Variants in SPAG17 observed in about 807,000 individuals in gnomAD.
SPAG17 encodes sperm associated antigen 17.
In SPAG17, 169 loss-of-function variants were observed where a neutral mutation model predicts 273.6. The observed-to-expected ratio is 0.62, with a 90% CI of 0.55 to 0.70. The LOEUF (loss-of-function observed/expected upper bound fraction) is 0.70, where lower values mean the gene tolerates loss of function less well. Among genes scored for constraint, SPAG17 ranks in the 30% least tolerant of loss-of-function variants. The pLI is 0.00. For synonymous variants in SPAG17, 825 were observed against 873.2 expected (o/e 0.94, Z 0.97); for missense variants, 2,557 against 2,627.8 (o/e 0.97, Z 0.59).
chr1:118,010,834 T>A (rs140756249), intron 30 of SPAG17, among the ~76,000 whole-genome samples: 3 of 152,016 alleles, frequency 2.0e-5, no homozygotes, highest in Non-Finnish European at 2.9e-5. Flanking sequence ...GGTTCATACA[T>A]GCTAACATCC....
intron 5 of SPAG17, among the ~76,000 whole-genome samples, chr1:118,100,849 T>C (rs901014330): frequency 2.6e-5 from 4 of 152,224 alleles, no homozygotes; most frequent in African/African-American, 4.8e-5. Flanking sequence ...AGAAAAATTC[T>C]AGTGTCTCTA....
intron 10 of SPAG17, among the ~76,000 whole-genome samples, chr1:118,088,584 A>G (rs1655157571): frequency 6.6e-6 from 1 of 152,204 alleles, no homozygotes; most frequent in Non-Finnish European, 1.5e-5. Flanking sequence ...GGTATCAGAG[A>G]TGATAGAGTC....
Position 118,041,814 on chromosome 1 carries a change from T to C in SPAG17, c.3043A>G (p.Ile1015Val), listed in dbSNP as rs1336013453. The stretch of plus-strand genomic sequence containing the variant: ...GAATTGGAGTTTACCGGGTAAGTTA[T>C]CTTAGGTTCTGGTTGGTGGGGGGAC... The part of the protein sequence containing the change: ...EESPHQPEPK[I>V]TYPFHGYNMG... Residue 1015 changes from isoleucine to valine, a missense_variant, in exon 21 of 49, where the codon ATA (isoleucine) becomes GTA (valine). By Grantham distance (29) the Ile-to-Val change is conservative. Transcript: ENST00000336338. 2.5e-6 allele frequency: 4 copies of C among 1,610,512 alleles called. No individual in the cohort carries two copies. Among genetic ancestry groups the C allele is most frequent in the Non-Finnish European group, 3.4e-6 (4 of 1,179,092 alleles).
chr1:118,090,741 G>A (rs1001268208), intron 10 of SPAG17, among the ~76,000 whole-genome samples: 2 of 151,962 alleles, frequency 1.3e-5, no homozygotes, highest in Non-Finnish European at 2.9e-5. Flanking sequence ...TTTTAAATTC[G>A]CTGGGCATGG....
intron 1 of SPAG17, among the ~76,000 whole-genome samples, chr1:118,175,577 A>G (rs532093269): frequency 6.6e-6 from 1 of 151,458 alleles, no homozygotes; most frequent in African/African-American, 2.4e-5. Flanking sequence ...CAAAGTACAA[A>G]AAAAAAAAAA....
At chr1:118,177,627 T>C (rs1660755019) in intron 1 of SPAG17, among the ~76,000 whole-genome samples, 1 of 152,070 alleles carries the variant, frequency 6.6e-6, no homozygotes, top group Non-Finnish European at 1.5e-5. Context: ...ATCAATGGAA[T>C]AAAACAAGTT....
chr1:118,013,742 C>G (rs944926720), intron 29 of SPAG17, among the ~76,000 whole-genome samples: 3 of 152,022 alleles, frequency 2.0e-5, no homozygotes, highest in Non-Finnish European at 4.4e-5. Context: ...CATTTCGTAA[C>G]GCCACATAAA....
At chr1:117,993,795 C>T (rs2765283) in intron 35 of SPAG17, among the ~76,000 whole-genome samples, 10,779 of 152,186 alleles carry the variant, frequency 0.071, 449 homozygotes, top group South Asian at 0.11. Flanking sequence ...ACATAAATTG[C>T]TTGTAAAATG....
intron 32 of SPAG17, among the ~76,000 whole-genome samples, chr1:118,004,610 C>T (rs1362165457): frequency 6.6e-6 from 1 of 152,244 alleles, no homozygotes; most frequent in African/African-American, 2.4e-5. Context: ...GGCGTGAGAT[C>T]CACCAAGCCA....
intron 15 of SPAG17, among the ~76,000 whole-genome samples, chr1:118,077,668 A>G (rs190313579): frequency 1.5e-3 from 226 of 152,290 alleles, no homozygotes; most frequent in Non-Finnish European, 2.3e-3. Flanking sequence ...CACTATCGCC[A>G]TAAGAACTCA....
At chr1:118,049,288 G>A (rs113781091) in intron 20 of SPAG17, among the ~76,000 whole-genome samples, 220 of 152,248 alleles carry the variant, frequency 1.4e-3, no homozygotes, top group African/African-American at 4.9e-3. Context: ...ATGACAGGCC[G>A]TTGTCCCTGG....
At chr1:118,025,191 T>C in intron 27 of SPAG17, 47 bp downstream of exon 27, 1 of 1,590,954 alleles carries the variant, frequency 6.3e-7, no homozygotes, top group Non-Finnish European at 8.6e-7. Context: ...TAAGTTGTCT[T>C]TTACTTTGGA....
At chr1:117,965,276 T>A (rs1653680943) in intron 47 of SPAG17, 1 of 152,190 alleles carries the variant, frequency 6.6e-6, no homozygotes, top group Non-Finnish European at 1.5e-5. Context: ...GCTTTTGAAG[T>A]ATTTCACCAT....
chr1:117,989,473 C>G (rs962473339), intron 38 of SPAG17, among the ~76,000 whole-genome samples: 1 of 152,096 alleles, frequency 6.6e-6, no homozygotes, highest in African/African-American at 2.4e-5. Flanking sequence ...CACTCACCAC[C>G]AAGAGGACAG....
At chr1:118,083,183 T>C (rs1654722677) in intron 13 of SPAG17, among the ~76,000 whole-genome samples, 2 of 152,100 alleles carry the variant, frequency 1.3e-5, no homozygotes, top group African/African-American at 4.8e-5. Context: ...CTCAAACTCC[T>C]GAGCTCAAGT....
chr1:117,971,201 A>G (rs951778075), intron 45 of SPAG17, among the ~76,000 whole-genome samples: 1 of 152,206 alleles, frequency 6.6e-6, no homozygotes, highest in African/African-American at 2.4e-5. Flanking sequence ...TTAATTCAAG[A>G]TACAATAGTG....
intron 20 of SPAG17, among the ~76,000 whole-genome samples, chr1:118,048,160 A>G (rs919375762): frequency 6.6e-6 from 1 of 152,168 alleles, no homozygotes; most frequent in African/African-American, 2.4e-5. Flanking sequence ...CTCAGGCTCC[A>G]TGCCCATCCT....
chr1:118,087,139 C>G (rs938634125), intron 10 of SPAG17, 131 bp from the exon 11 acceptor site: 1 of 962,014 alleles, frequency 1.0e-6, no homozygotes, highest in Non-Finnish European at 1.4e-6. Flanking sequence ...ACTGATGACA[C>G]AAAATGGCAG....
Position 118,041,958 on chromosome 1 carries a change from C to T in SPAG17, c.2899G>A (p.Gly967Ser). Residue 967 changes from glycine (G) to serine (S), a missense_variant, in exon 21 of 49, where the codon GGT becomes AGT. Coordinates refer to ENST00000336338, the MANE Select transcript of SPAG17 (RefSeq NM_206996.4). Reference protein sequence around the residue: ...KKAEKKGKEAGKKKGKDNAEK... With the variant: ...KKAEKKGKEASKKKGKDNAEK... ...GCGTTATCCTTGCCTTTCTTTTTAC[C>T]AGCTTCTTTACCCTTCTTCTCTGCT... is the stretch of plus-strand genomic sequence containing the variant. The T allele has an allele frequency of 6.2e-7, 1 of 1,613,688 alleles. No homozygotes were observed. Among genetic ancestry groups the T allele is most frequent in the Non-Finnish European group, 8.5e-7 (1 of 1,179,820 alleles).
Sources: gnomAD v4.1 joint callset for allele counts (sites outside exome capture counted in the v4.1 genomes callset) on GRCh38, gnomAD v4.1.1 for gene constraint, MANE v1.5 for transcripts, NCBI Gene and HGNC (gene_info 2026-07-23, HGNC 2026-07-21) for gene names.